The following MYO3A variants were observed in gnomAD, a reference collection of about 807,000 sequenced individuals.
MYO3A encodes the protein myosin-IIIa.
A neutral mutation model predicts 192.7 loss-of-function variants in MYO3A; 180 were observed. The observed-to-expected ratio is 0.93, with a 90% CI of 0.83 to 1.06. MYO3A has a LOEUF of 1.06. Ranked by LOEUF, MYO3A falls within the 50% of genes least tolerant of loss-of-function variation. The pLI, the probability that MYO3A is intolerant of heterozygous loss-of-function variation, is 0.00. For synonymous variants in MYO3A, 628 were observed against 645.3 expected (o/e 0.97, Z 0.41); for missense variants, 1,896 against 1,905.0 (o/e 1.00, Z 0.09).
chr10:26,108,781 A>C lies in MYO3A; in HGVS notation c.1777-11895A>C, dbSNP rs910740512. On this transcript the variant is annotated intron_variant, in intron 17 of 34. Coordinates refer to ENST00000642920, the MANE Select transcript of MYO3A (RefSeq NM_017433.5). ...TTGAGTATCCTTGCTGCAGGCTTAC[A>C]GGAGGTGGGGACTGGGGAATGTTTT... Among the ~76,000 whole-genome samples, 7 of 152,326 alleles carry C rather than the reference A, an allele frequency of 4.6e-5. No individual in the cohort carries two copies. In the South Asian group the frequency reaches 6.2e-4, roughly 14 times the overall value.
intron 18 of MYO3A, among the ~76,000 whole-genome samples, chr10:26,124,198 A>G (rs905342581): frequency 1.3e-5 from 2 of 151,776 alleles, no homozygotes; most frequent in Non-Finnish European, 2.9e-5. Flanking sequence ...CAAAAAAAAA[A>G]AAAAAAAAAA....
chr10:25,996,588 A>G lies in MYO3A; in HGVS notation c.402A>G (p.Ala134=). The G allele has an allele frequency of 6.2e-7, 1 of 1,610,990 alleles. No homozygotes were observed. The highest frequency in any genetic ancestry group is 2.2e-5 in the East Asian group (1 of 44,752). ...TAATTGCCTATATTTTACATGAAGC[A>G]CTAATGGTAAGGCAATTTAAATTGT... ...EPLIAYILHE[A]LMGLQHLHNN... Residue 134 remains alanine, a synonymous_variant, in exon 5 of 35, where the codon GCA becomes GCG. Coordinates refer to ENST00000642920, the MANE Select transcript of MYO3A (RefSeq NM_017433.5).
chr10:26,015,027 G>A (rs572731555), intron 6 of MYO3A, among the ~76,000 whole-genome samples: 13 of 152,246 alleles, frequency 8.5e-5, no homozygotes, highest in African/African-American at 3.1e-4. Flanking sequence ...GAATGGAGTT[G>A]CTGTACAGCC....
chr10:26,125,925 C>T (rs1387599101), intron 19 of MYO3A, among the ~76,000 whole-genome samples: 2 of 152,020 alleles, frequency 1.3e-5, no homozygotes, highest in African/African-American at 4.8e-5. Flanking sequence ...TACCATGAAG[C>T]ATATACCATT....
At chr10:26,140,524 A>G (rs1488585787) in intron 20 of MYO3A, among the ~76,000 whole-genome samples, 1 of 152,034 alleles carries the variant, frequency 6.6e-6, no homozygotes, top group African/African-American at 2.4e-5. Flanking sequence ...TCTCTACTAA[A>G]AGTACAAAAA....
chr10:26,152,216 GA>G (rs1399276880), intron 23 of MYO3A, among the ~76,000 whole-genome samples: 1 of 152,158 alleles, frequency 6.6e-6, no homozygotes, highest in Non-Finnish European at 1.5e-5. Flanking sequence ...AAGACATATG[GA>G]TTTTATATTC....
chr10:26,081,186 G>A (rs547862847), intron 14 of MYO3A, among the ~76,000 whole-genome samples: 1 of 147,172 alleles, frequency 6.8e-6, no homozygotes, highest in Admixed American at 6.9e-5. Flanking sequence ...CCGTCAGGCG[G>A]GGGCAGGGCC....
intron 20 of MYO3A, among the ~76,000 whole-genome samples, chr10:26,139,831 G>T (rs987786504): frequency 1.3e-5 from 2 of 152,144 alleles, no homozygotes; most frequent in African/African-American, 4.8e-5. Context: ...GGCAGAGGTT[G>T]CAGGGAGCTG....
Position 26,068,883 on chromosome 10 carries a change from A to G in MYO3A, c.1169A>G (p.Lys390Arg), listed in dbSNP as rs1167995259. 2 of 1,553,616 alleles carry G rather than the reference A, an allele frequency of 1.3e-6. No individual in the cohort carries two copies. The change falls in exon 12 of 35, where the codon AAG becomes AGG. Residue 390 changes from lysine to arginine, a missense_variant and splice_region_variant. By Grantham distance (26) the Lys-to-Arg change is conservative. Coordinates refer to ENST00000642920, the MANE Select transcript of MYO3A (RefSeq NM_017433.5). ...CAGAGTCTGGGTCTTTACTCCACAA[A>G]GGTATGTCGTATGGGGTGCATTCTG... The part of the protein sequence containing the change: ...PFQSLGLYST[K>R]HSKLYIGSKR...
intron 31 of MYO3A, among the ~76,000 whole-genome samples, chr10:26,184,649 A>G (rs1469951172): frequency 1.3e-5 from 2 of 152,196 alleles, no homozygotes; most frequent in Non-Finnish European, 2.9e-5. Flanking sequence ...CATTATCCAA[A>G]AAAAGTGCAT....
At chr10:25,983,774 T>C (rs535720098) in intron 4 of MYO3A, among the ~76,000 whole-genome samples, 324 of 152,160 alleles carry the variant, frequency 2.1e-3, no homozygotes, top group African/African-American at 7.2e-3. Context: ...CCTGGGAAAA[T>C]CATCACAAAA....
chr10:26,117,725 C>G (rs1173570894), intron 17 of MYO3A, among the ~76,000 whole-genome samples: 1 of 152,184 alleles, frequency 6.6e-6, no homozygotes, highest in Non-Finnish European at 1.5e-5. Context: ...CCCACATTTT[C>G]TTTACCCAAT....
At chr10:26,166,840 A>G (rs541610643) in intron 27 of MYO3A, among the ~76,000 whole-genome samples, 9 of 152,270 alleles carry the variant, frequency 5.9e-5, no homozygotes, top group African/African-American at 2.2e-4. Context: ...TATGTATTGG[A>G]CATTGATGTG....
At chr10:26,105,002 C>G (rs111506694) in intron 17 of MYO3A, among the ~76,000 whole-genome samples, 1 of 151,976 alleles carries the variant, frequency 6.6e-6, no homozygotes, top group Non-Finnish European at 1.5e-5. Flanking sequence ...TCTCACTCAG[C>G]AATACCTGTG....
chr10:26,193,367 T>G, intron 32 of MYO3A, 56 bp downstream of exon 32: 1 of 1,346,900 alleles, frequency 7.4e-7, no homozygotes, highest in Non-Finnish European at 1.1e-6. Flanking sequence ...TAATGGCCAG[T>G]GTGAAAACTG....
intron 2 of MYO3A, among the ~76,000 whole-genome samples, chr10:25,944,345 C>G (rs2130453008): frequency 6.6e-6 from 1 of 152,028 alleles, no homozygotes; most frequent in East Asian, 1.9e-4. Flanking sequence ...CAGAGATATT[C>G]ATCTCCAGTT....
intron 11 of MYO3A, among the ~76,000 whole-genome samples, chr10:26,067,460 A>G (rs1413002535): frequency 6.6e-6 from 1 of 152,212 alleles, no homozygotes; most frequent in East Asian, 1.9e-4. Flanking sequence ...CAGTCAGCCT[A>G]TTGTAACCAC....
chr10:26,116,603 T>C (rs533380461), intron 17 of MYO3A, among the ~76,000 whole-genome samples: 4 of 152,334 alleles, frequency 2.6e-5, no homozygotes, highest in African/African-American at 9.6e-5. Flanking sequence ...AATACCTCTA[T>C]TCTTATTTTT....
Position 25,952,138 on chromosome 10 carries a change from A to G in MYO3A, c.28A>G (p.Ile10Val). ...GTTTCCATTAATTGGAAAAACAATC[A>G]TCTTTGATAACTTTCCTGATCCTTC... MFPLIGKTI[I>V]FDNFPDPSDT... Residue 10 changes from isoleucine to valine, a missense_variant, in exon 3 of 35, where the codon ATC becomes GTC. By Grantham distance (29) the Ile-to-Val change is conservative (BLOSUM62 3). Coordinates refer to ENST00000642920, the MANE Select transcript of MYO3A (RefSeq NM_017433.5). The G allele has an allele frequency of 6.2e-7, 1 of 1,612,136 alleles. No individual in the cohort carries two copies. The highest frequency in any genetic ancestry group is 8.5e-7 in the Non-Finnish European group (1 of 1,178,662).
Sources: gnomAD v4.1 joint callset for allele counts (sites outside exome capture counted in the v4.1 genomes callset) on GRCh38, gnomAD v4.1.1 for gene constraint, MANE v1.5 for transcripts, NCBI Gene and HGNC (gene_info 2026-07-23, HGNC 2026-07-21) for gene names.